The following GPCPD1 variants were observed in gnomAD, a reference collection of about 807,000 sequenced individuals.
GPCPD1 encodes the protein glycerophosphocholine phosphodiesterase GPCPD1.
Under a neutral mutation model 89.2 loss-of-function variants are expected in GPCPD1, and 29 were observed. The ratio of observed to expected loss-of-function variants is 0.33; its 90% CI spans 0.24 to 0.44. GPCPD1 has a LOEUF of 0.44. GPCPD1 is among the 20% of genes least tolerant of loss of function. The pLI is 1.00. For missense variants in GPCPD1, 594 were observed against 808.9 expected (o/e 0.73, Z 3.22); for synonymous variants, 258 against 266.3 (o/e 0.97, Z 0.30).
At position 5,545,194 on chromosome 20, in the gene GPCPD1, TAGTA is replaced by T. The variant is rs1984975973; in HGVS notation, c.*2463_*2466del. ...CAAACCAATTCAAAGTTTACATTCT[TAGTA>T]AACATAACTAAATCTCTTAATTCAA... On this transcript the variant is annotated 3_prime_UTR_variant, in exon 20 of 20. Coordinates refer to ENST00000379019, the MANE Select transcript of GPCPD1 (RefSeq NM_019593.5). The T allele has an allele frequency of 6.6e-6, 1 of 152,226 alleles. No individual in the cohort carries two copies. Among genetic ancestry groups the T allele is most frequent in the African/African-American group, 2.4e-5 (1 of 41,472 alleles). 9.4% of individuals were successfully genotyped at this position (152,226 alleles called of 1,614,324 possible).
chr20:5,560,739 T>C (rs559787215), intron 16 of GPCPD1, among the ~76,000 whole-genome samples: 2 of 152,314 alleles, frequency 1.3e-5, no homozygotes, highest in South Asian at 2.1e-4. Context: ...TACAGATTAT[T>C]CTGACCAAAA....
At position 5,575,393 on chromosome 20, in the gene GPCPD1, TA is replaced by T; in HGVS notation, c.1001+19del. On this transcript the variant is annotated intron_variant, in intron 10 of 19. Transcript: ENST00000379019. ...CATAAGCTACACCAAATGCTAATCC[TA>T]CTCAAATATTCAACTTACTGGGCAG... The T allele has an allele frequency of 6.4e-7, 1 of 1,574,596 alleles. No homozygotes were observed. The highest frequency in any genetic ancestry group is 8.7e-7 in the Non-Finnish European group (1 of 1,148,766).
At chr20:5,578,672 T>C (rs1023249733) in intron 7 of GPCPD1, 61 bp from the exon 8 acceptor site, 1 of 1,032,130 alleles carries the variant, frequency 9.7e-7, no homozygotes, top group African/African-American at 1.6e-5. Context: ...CTCATACAAA[T>C]GTTGCCTAAA....
intron 12 of GPCPD1, among the ~76,000 whole-genome samples, chr20:5,569,041 T>C (rs1197992461): frequency 6.6e-6 from 1 of 152,186 alleles, no homozygotes; most frequent in Non-Finnish European, 1.5e-5. Context: ...CTGTTCCATG[T>C]GTTTGGTCAC....
At chr20:5,556,329 C>G (rs1985766406) in intron 19 of GPCPD1, among the ~76,000 whole-genome samples, 1 of 151,982 alleles carries the variant, frequency 6.6e-6, no homozygotes, top group African/African-American at 2.4e-5. Context: ...TGCCTCAGCC[C>G]CGAGCAGCTA....
chr20:5,573,930 T>C lies in GPCPD1; in HGVS notation c.1041A>G (p.Arg347=). Residue 347 remains arginine (R), a synonymous_variant, in exon 11 of 20, where the codon AGA becomes AGG. Transcript: ENST00000379019. ...KVQENTIASL[R]NAASHGAAFV... ...GGTTACTTACATGACTAGCAGCATTTCTTAAAGAAGCAATAGTATTTTCTT... is the reference window on the plus strand; with the variant it reads ...GGTTACTTACATGACTAGCAGCATTCCTTAAAGAAGCAATAGTATTTTCTT... 1 of 1,523,942 alleles carries C rather than the reference T, an allele frequency of 6.6e-7. No homozygotes were observed. The highest frequency in any genetic ancestry group is 9.1e-7 in the Non-Finnish European group (1 of 1,097,744). 94.4% of individuals were successfully genotyped at this position (1,523,942 alleles called of 1,614,324 possible).
intron 2 of GPCPD1, among the ~76,000 whole-genome samples, chr20:5,601,361 C>CTTTTTT (rs1209326779): frequency 1.9e-4 from 14 of 73,060 alleles, no homozygotes; most frequent in African/African-American, 2.4e-4. Context: ...CCCTGTTAAT[C>CTTTTTT]TTTTTTTTTT....
chr20:5,587,067 T>C (rs1225003049), intron 4 of GPCPD1, among the ~76,000 whole-genome samples: 1 of 152,172 alleles, frequency 6.6e-6, no homozygotes, highest in Non-Finnish European at 1.5e-5. Context: ...CGGTAGTGAG[T>C]AACCATGAAA....
At chr20:5,566,698 CAA>C in intron 14 of GPCPD1, 33 bp downstream of exon 14, 1 of 1,332,046 alleles carries the variant, frequency 7.5e-7, no homozygotes, top group East Asian at 2.3e-5. Context: ...ATGCTAACTA[CAA>C]AAGGAAAACA....
At chr20:5,595,608 T>G (rs917870964) in intron 3 of GPCPD1, among the ~76,000 whole-genome samples, 56 of 152,074 alleles carry the variant, frequency 3.7e-4, no homozygotes, top group Non-Finnish European at 5.6e-4. Flanking sequence ...GCCACTGTAC[T>G]CCAGCCTGGG....
chr20:5,566,025 A>G (rs1248241991), intron 14 of GPCPD1, among the ~76,000 whole-genome samples: 1 of 152,220 alleles, frequency 6.6e-6, no homozygotes, highest in Non-Finnish European at 1.5e-5. Flanking sequence ...GACTCATAAA[A>G]TATCTATAAG....
chr20:5,587,626 A>G (rs1466313141), intron 4 of GPCPD1, among the ~76,000 whole-genome samples: 2 of 152,090 alleles, frequency 1.3e-5, no homozygotes, highest in South Asian at 2.1e-4. Context: ...TCAGCCTCCC[A>G]ATGTGCTGGG....
At chr20:5,572,721 G>A (rs1265803895) in intron 11 of GPCPD1, among the ~76,000 whole-genome samples, 3 of 151,308 alleles carry the variant, frequency 2.0e-5, no homozygotes, top group African/African-American at 7.3e-5. Flanking sequence ...GAATAGGGGA[G>A]AAAAATCTCA....
intron 1 of GPCPD1, among the ~76,000 whole-genome samples, chr20:5,609,417 G>T (rs1376824527): frequency 6.6e-6 from 1 of 152,102 alleles, no homozygotes; most frequent in Non-Finnish European, 1.5e-5. Flanking sequence ...AGACGTTAAT[G>T]GATCTTTATT....
rs766343344 is a variant in GPCPD1 at position 5,570,142 on chromosome 20, C to T, written c.1149+5G>A. On this transcript the variant is annotated splice_donor_5th_base_variant and intron_variant, in intron 12 of 19. Coordinates refer to ENST00000379019, the MANE Select transcript of GPCPD1 (RefSeq NM_019593.5). ...AGAGTTTGAAATGAAGAAATTTCAA[C>T]GTACCTTTTTCATAGTCAAACAACA... 4.3e-6 allele frequency: 6 copies of T among 1,395,520 alleles called. No individual in the cohort carries two copies. Among genetic ancestry groups the T allele is most frequent in the Admixed American group, 1.8e-5 (1 of 55,424 alleles). 86.4% of individuals were successfully genotyped at this position (1,395,520 alleles called of 1,614,324 possible).
chr20:5,578,425 C>T lies in GPCPD1; in HGVS notation c.660G>A (p.Gln220=). ...QPDRWTEYSI[Q]TMEPDNLELI... ...GTTCCAGGTTATCTGGTTCCATCGT[C>T]TGTATGCTGTACTCTGTCCAACGAT... Residue 220 remains glutamine, a synonymous_variant, in exon 8 of 20, where the codon CAG becomes CAA. Coordinates refer to ENST00000379019, the MANE Select transcript of GPCPD1 (RefSeq NM_019593.5). The T allele has an allele frequency of 6.2e-7, 1 of 1,613,980 alleles. No homozygotes were observed.
intron 6 of GPCPD1, among the ~76,000 whole-genome samples, chr20:5,581,128 C>A (rs1978450052): frequency 6.6e-6 from 1 of 152,068 alleles, no homozygotes; most frequent in East Asian, 1.9e-4. Context: ...CTGCCTTCCT[C>A]AGGCCTCCCA....
At chr20:5,582,380 T>A (rs921801866) in intron 6 of GPCPD1, among the ~76,000 whole-genome samples, 1 of 151,964 alleles carries the variant, frequency 6.6e-6, no homozygotes, top group Non-Finnish European at 1.5e-5. Context: ...GATGTCAAAT[T>A]CCTATCTAAA....
chr20:5,577,178 C>T (rs1362357980), intron 8 of GPCPD1, among the ~76,000 whole-genome samples: 1 of 151,164 alleles, frequency 6.6e-6, no homozygotes, highest in Non-Finnish European at 1.5e-5. Flanking sequence ...AATTCTCCTG[C>T]CTCAGCCTCT....
Sources: allele counts gnomAD v4.1 joint callset (sites outside exome capture counted in the v4.1 genomes callset), GRCh38; gene constraint gnomAD v4.1.1; transcripts MANE v1.5; gene names NCBI Gene and HGNC (gene_info 2026-07-23, HGNC 2026-07-21).